SLC10A7: variants seen among roughly 807,000 people sequenced by gnomAD.
SLC10A7 encodes sodium/bile acid cotransporter 7.
In SLC10A7, 29 loss-of-function variants were observed where a neutral mutation model predicts 43.2. The observed-to-expected ratio is 0.67, with a 90% CI of 0.50 to 0.92. SLC10A7 has a LOEUF of 0.92. Ranked by LOEUF, SLC10A7 falls within the 40% of genes least tolerant of loss-of-function variation. The pLI is 0.00. For synonymous variants in SLC10A7, 152 were observed against 144.8 expected, an observed-to-expected ratio of 1.05 and a Z score of -0.35; for missense variants, 295 against 403.2, an observed-to-expected ratio of 0.73 and a Z score of 2.30.
At chr4:146,402,495 G>A (rs1173288668) in intron 5 of SLC10A7, among the ~76,000 whole-genome samples, 1 of 151,968 alleles carries the variant, frequency 6.6e-6, no homozygotes, top group African/African-American at 2.4e-5. Context: ...CGCCTCCTGG[G>A]CCCAACACAC....
chr4:146,488,408 A>G (rs559074270), intron 4 of SLC10A7, among the ~76,000 whole-genome samples: 1 of 152,296 alleles, frequency 6.6e-6, no homozygotes, highest in South Asian at 2.1e-4. Flanking sequence ...TTTATTGAGC[A>G]TCTCCTAATG....
At chr4:146,453,902 A>C (rs1731816986) in intron 4 of SLC10A7, among the ~76,000 whole-genome samples, 2 of 151,950 alleles carry the variant, frequency 1.3e-5, no homozygotes, top group African/African-American at 4.8e-5. Flanking sequence ...GCATGGGGCA[A>C]GAGAGGAAGG....
rs1262804720 is a variant in SLC10A7, at chr4:146,255,383, T to A, written c.*1108A>T. 6.5e-6 allele frequency: 1 copy of A among 152,680 alleles called. No individual in the cohort carries two copies. Among genetic ancestry groups the A allele is most frequent in the Non-Finnish European group, 1.5e-5 (1 of 68,030 alleles). The allele number at this position is 152,680 out of a possible 1,614,324, so 9.5% of individuals were successfully genotyped here. ...CATCTGGAGAGACAGAATGTGTATA[T>A]GTAACATTTGTTTGCATCCATGACC... On this transcript the variant is annotated 3_prime_UTR_variant, in exon 12 of 12. Transcript: ENST00000335472.
intron 5 of SLC10A7, among the ~76,000 whole-genome samples, chr4:146,335,025 TA>T (rs1733781923): frequency 2.0e-5 from 3 of 151,786 alleles, no homozygotes; most frequent in Non-Finnish European, 4.4e-5. Flanking sequence ...CACATTCAAG[TA>T]TGCTGGCAGA....
intron 4 of SLC10A7, among the ~76,000 whole-genome samples, chr4:146,484,212 G>A (rs1032652231): frequency 6.6e-6 from 1 of 152,158 alleles, no homozygotes; most frequent in African/African-American, 2.4e-5. Context: ...AAGGTAGCCA[G>A]GCATGGTAGC....
intron 4 of SLC10A7, among the ~76,000 whole-genome samples, chr4:146,488,299 A>C (rs1172373603): frequency 1.3e-5 from 2 of 152,194 alleles, no homozygotes; most frequent in African/African-American, 4.8e-5. Context: ...TATTAAATAT[A>C]TTTTAATTCT....
rs895292838 is a variant in SLC10A7, at chr4:146,345,095, A to G, written c.436-19099T>C. 3.9e-5 allele frequency among the ~76,000 whole-genome samples: 6 copies of G among 152,314 alleles called. No individual in the cohort carries two copies. In the South Asian group the frequency reaches 1.2e-3, roughly 32 times the overall value. On this transcript the variant is annotated intron_variant, in intron 5 of 11. Transcript: ENST00000335472. Reference sequence around the variant, plus strand: ...TGAATGAAATTTGCTTAGAAGCAAGAAAGGTCGAGCATTTTGAGGCAAGAG... The same window carrying G: ...TGAATGAAATTTGCTTAGAAGCAAGGAAGGTCGAGCATTTTGAGGCAAGAG...
chr4:146,307,852 C>G (rs762861635), intron 6 of SLC10A7, among the ~76,000 whole-genome samples: 1 of 124,362 alleles, frequency 8.0e-6, no homozygotes, highest in African/African-American at 3.1e-5. Flanking sequence ...TATGAATAAC[C>G]ATTTCAAAGG....
chr4:146,367,411 T>C (rs1736473877), intron 5 of SLC10A7, among the ~76,000 whole-genome samples: 2 of 152,190 alleles, frequency 1.3e-5, no homozygotes. Flanking sequence ...AACTAAGGAA[T>C]GAAATTCTAA....
intron 10 of SLC10A7, among the ~76,000 whole-genome samples, chr4:146,269,965 CCT>C (rs1248514091): frequency 6.6e-6 from 1 of 152,132 alleles, no homozygotes; most frequent in Non-Finnish European, 1.5e-5. Context: ...CCTTTAATTA[CCT>C]TCCAGTGGTA....
chr4:146,256,928 G>T lies in SLC10A7; in HGVS notation c.994-408C>A, dbSNP rs776406464. The T allele has an allele frequency of 4.6e-6, 7 of 1,535,358 alleles. No individual in the cohort carries two copies. The South Asian group carries it at 7.1e-5, about 16-fold the overall frequency. Reference sequence around the variant, plus strand: ...AGTTAGCCAGTGGCCCCCTGGTTTGGAGTAGTTTCTACACAAAGGAAAAAT... The same window carrying T: ...AGTTAGCCAGTGGCCCCCTGGTTTGTAGTAGTTTCTACACAAAGGAAAAAT... On this transcript the variant is annotated intron_variant, in intron 11 of 11. Transcript: ENST00000335472.
rs905650273 is a variant in SLC10A7 at position 146,436,839 on chromosome 4, G to A, written c.435+5944C>T. Among the ~76,000 whole-genome samples the A allele has an allele frequency of 4.6e-5, 7 of 151,884 alleles. 1 individual carries two copies. The highest frequency in any genetic ancestry group is 1.5e-4 in the African/African-American group (6 of 41,374). ...ATTAATAGTAGCTTTTTTTTCCATT[G>A]ACTTAATTTCAGTTACCTTCTATTC... On this transcript the variant is annotated intron_variant, in intron 5 of 11. Transcript: ENST00000335472.
intron 4 of SLC10A7, among the ~76,000 whole-genome samples, chr4:146,501,862 T>C (rs933474091): frequency 3.9e-5 from 6 of 152,172 alleles, no homozygotes; most frequent in Non-Finnish European, 8.8e-5. Context: ...ATCTAATTCA[T>C]CAGCATATCC....
intron 5 of SLC10A7, among the ~76,000 whole-genome samples, chr4:146,339,942 G>T (rs1447952217): frequency 6.6e-6 from 1 of 151,050 alleles, no homozygotes; most frequent in Non-Finnish European, 1.5e-5. Flanking sequence ...AGCTCCGCAT[G>T]CATTAGATAT....
chr4:146,415,897 C>G (rs563053589), intron 5 of SLC10A7, among the ~76,000 whole-genome samples: 45 of 152,116 alleles, frequency 3.0e-4, no homozygotes, highest in Admixed American at 7.2e-4. Flanking sequence ...GGTACACAGC[C>G]ACAAAGAGCA....
chr4:146,325,022 C>A (rs992900158), intron 6 of SLC10A7, among the ~76,000 whole-genome samples: 3 of 152,232 alleles, frequency 2.0e-5, no homozygotes, highest in Non-Finnish European at 4.4e-5. Flanking sequence ...TCCTACTCAG[C>A]GGGTAAGAAA....
intron 5 of SLC10A7, among the ~76,000 whole-genome samples, chr4:146,400,718 G>A (rs996499329): frequency 2.0e-5 from 3 of 152,014 alleles, no homozygotes; most frequent in Non-Finnish European, 4.4e-5. Flanking sequence ...AAAAAAGTAG[G>A]CTAAGCTCCA....
rs1736618465 is a variant in SLC10A7, at chr4:146,503,588, C to T, written c.396+261G>A. ...CCAGGTCTTCTCTGTCCTTTGTCTCCCAATTTCCACTGAGGTAGAAGAAAA... is the reference window on the plus strand; with the variant it reads ...CCAGGTCTTCTCTGTCCTTTGTCTCTCAATTTCCACTGAGGTAGAAGAAAA... On this transcript the variant is annotated intron_variant, in intron 4 of 11. Transcript: ENST00000335472. 2.0e-5 allele frequency among the ~76,000 whole-genome samples: 3 copies of T among 152,142 alleles called. No homozygotes were observed. In the South Asian group the frequency reaches 6.2e-4, roughly 32 times the overall value.
intron 5 of SLC10A7, among the ~76,000 whole-genome samples, chr4:146,410,268 G>T (rs1002590111): frequency 1.4e-4 from 22 of 152,074 alleles, no homozygotes; most frequent in African/African-American, 5.1e-4. Flanking sequence ...ATATCAGTCT[G>T]CCAATTAAAG....
Sources: gnomAD v4.1 joint callset for allele counts (sites outside exome capture counted in the v4.1 genomes callset) on GRCh38, gnomAD v4.1.1 for gene constraint, MANE v1.5 for transcripts, NCBI Gene and HGNC (gene_info 2026-07-23, HGNC 2026-07-21) for gene names.